Variants in FREM1 observed in about 807,000 individuals in gnomAD.
FREM1 encodes FRAS1-related extracellular matrix protein 1.
FREM1 carries 220 observed loss-of-function variants against 210.1 expected under a neutral mutation model. That is an observed-to-expected ratio of 1.05 (90% CI 0.94 to 1.17). The LOEUF is 1.17. Among genes scored for constraint, FREM1 ranks in the 50% most tolerant of loss-of-function variants. FREM1 has a pLI of 0.00. For synonymous variants in FREM1, 1,189 were observed against 980.2 expected, an observed-to-expected ratio of 1.21 and a Z score of -3.98; for missense variants, 3,454 against 2,675.5, an observed-to-expected ratio of 1.29 and a Z score of -6.42.
chr9:14,861,227 A>T lies in FREM1; in HGVS notation c.330-1743T>A, dbSNP rs1830387224. On this transcript the variant is annotated intron_variant, in intron 3 of 36. Coordinates refer to ENST00000380880, the MANE Select transcript of FREM1 (RefSeq NM_001379081.2). ...CACACATATACATATATACACATAT[A>T]TACACATATATACACACATATATAC... is the stretch of plus-strand genomic sequence containing the variant. 6.6e-5 allele frequency among the ~76,000 whole-genome samples: 7 copies of T among 105,266 alleles called. 2 individuals carry two copies. The South Asian group carries it at 1.9e-3, about 28-fold the overall frequency. 69.1% of individuals were successfully genotyped at this position (105,266 alleles called of 152,430 possible).
rs148609000 is a variant in FREM1 at position 14,811,342 on chromosome 9, G to A, written c.2893+1470C>T. Among the ~76,000 whole-genome samples, 128 of 152,290 alleles carry A rather than the reference G, an allele frequency of 8.4e-4. 1 individual carries two copies. Among genetic ancestry groups the A allele is most frequent in the African/African-American group, 3.1e-3 (127 of 41,560 alleles). On this transcript the variant is annotated intron_variant, in intron 16 of 36. Coordinates refer to ENST00000380880, the MANE Select transcript of FREM1 (RefSeq NM_001379081.2). ...TGTTTAGCACTTAGAACAAGGCACTGGAAAAGAAGACAGATTCTTCTCACC... is the reference window on the plus strand; with the variant it reads ...TGTTTAGCACTTAGAACAAGGCACTAGAAAAGAAGACAGATTCTTCTCACC...
chr9:14,774,533 CT>C (rs1183072701), intron 25 of FREM1, among the ~76,000 whole-genome samples: 2 of 97,442 alleles, frequency 2.1e-5, no homozygotes, highest in East Asian at 2.7e-4. Flanking sequence ...CTCTCTCTCT[CT>C]CTCTCTCTCT....
At chr9:14,849,829 C>T (rs1827353779) in intron 6 of FREM1, among the ~76,000 whole-genome samples, 1 of 152,108 alleles carries the variant, frequency 6.6e-6, no homozygotes, top group African/African-American at 2.4e-5. Context: ...GTACATTATA[C>T]AATGCCAGAA....
At chr9:14,884,360 C>T (rs1417859906) in intron 1 of FREM1, among the ~76,000 whole-genome samples, 1 of 152,214 alleles carries the variant, frequency 6.6e-6, no homozygotes, top group Non-Finnish European at 1.5e-5. Context: ...CTCTCCCTGA[C>T]CATTTTCCCA....
rs151318183 is a variant in FREM1 at position 14,843,566 on chromosome 9, C to A, written c.1394-906G>T. 9.9e-3 allele frequency among the ~76,000 whole-genome samples: 1,507 copies of A among 152,294 alleles called. 19 individuals carry two copies. The highest frequency in any genetic ancestry group is 0.043 in the South Asian group (209 of 4,824). On this transcript the variant is annotated intron_variant, in intron 8 of 36. Coordinates refer to ENST00000380880, the MANE Select transcript of FREM1 (RefSeq NM_001379081.2). ...ACATAGATAGACATTCTGTTGGTTT[C>A]ATTTCTCTAGGGAACCCTTACTAAT...
At chr9:14,838,662 G>A (rs945198397) in intron 10 of FREM1, among the ~76,000 whole-genome samples, 10 of 152,254 alleles carry the variant, frequency 6.6e-5, no homozygotes, top group Non-Finnish European at 1.5e-4. Flanking sequence ...AATGTTGAAA[G>A]AACCAGAATT....
At chr9:14,879,977 T>C (rs927420692) in intron 1 of FREM1, among the ~76,000 whole-genome samples, 2 of 152,162 alleles carry the variant, frequency 1.3e-5, no homozygotes, top group African/African-American at 4.8e-5. Flanking sequence ...GTTGAAGCCC[T>C]GATTTCCAAT....
In FREM1 at chr9:14,742,397, C is replaced by A. The variant is rs557394267; in HGVS notation, c.6255-2163G>T. 2.0e-5 allele frequency among the ~76,000 whole-genome samples: 3 copies of A among 152,122 alleles called. No homozygotes were observed. The South Asian group carries it at 6.2e-4, about 32-fold the overall frequency. On this transcript the variant is annotated intron_variant, in intron 35 of 36. Transcript: ENST00000380880. The stretch of plus-strand genomic sequence containing the variant: ...ATAATTACCAAATGTACAATGACTG[C>A]CTGAGGAAATGAGCAGATGAGATTA...
At chr9:14,879,011 G>T (rs752992885) in intron 1 of FREM1, among the ~76,000 whole-genome samples, 1 of 151,936 alleles carries the variant, frequency 6.6e-6, no homozygotes, top group Non-Finnish European at 1.5e-5. Flanking sequence ...ATGAAAATTA[G>T]CCAGGCATCG....
chr9:14,792,731 G>T lies in FREM1; in HGVS notation c.3981+12C>A. 6.4e-7 allele frequency: 1 copy of T among 1,571,164 alleles called. No homozygotes were observed. Among genetic ancestry groups the T allele is most frequent in the Non-Finnish European group, 8.6e-7 (1 of 1,161,844 alleles). On this transcript the variant is annotated intron_variant, in intron 22 of 36. Coordinates refer to ENST00000380880, the MANE Select transcript of FREM1 (RefSeq NM_001379081.2). ...CGTTAGTTTTGAAAAATAAAAGTAAGAAGTCACTAACCTTAAGCTGAAGTT... is the reference window on the plus strand; with the variant it reads ...CGTTAGTTTTGAAAAATAAAAGTAATAAGTCACTAACCTTAAGCTGAAGTT...
chr9:14,821,676 A>G (rs1821339755), intron 13 of FREM1, among the ~76,000 whole-genome samples: 1 of 152,222 alleles, frequency 6.6e-6, no homozygotes. Context: ...TTTTCTACCA[A>G]AGATGGCAAG....
intron 1 of FREM1, among the ~76,000 whole-genome samples, chr9:14,883,388 T>C (rs891371167): frequency 6.6e-6 from 1 of 152,158 alleles, no homozygotes; most frequent in African/African-American, 2.4e-5. Flanking sequence ...GGGTATGCTT[T>C]GTTTGGTTTT....
At chr9:14,852,291 T>A (rs1039473710) in intron 5 of FREM1, among the ~76,000 whole-genome samples, 1 of 152,160 alleles carries the variant, frequency 6.6e-6, no homozygotes, top group African/African-American at 2.4e-5. Context: ...AGGCTAGGCA[T>A]GCATCCTCCC....
intron 1 of FREM1, among the ~76,000 whole-genome samples, chr9:14,895,236 A>G (rs1209208418): frequency 6.6e-6 from 1 of 152,238 alleles, no homozygotes; most frequent in Admixed American, 6.5e-5. Context: ...TTCCTGCTGC[A>G]CTTCATACAA....
chr9:14,860,894 C>CATATATACGTAT lies in FREM1; in HGVS notation c.330-1411_330-1410insATACGTATATAT, dbSNP rs1830069765. ...ATATACGTATATATACACATATATA[C>CATATATACGTAT]ATATATACACATATACACATATACA... On this transcript the variant is annotated intron_variant, in intron 3 of 36. Coordinates refer to ENST00000380880, the MANE Select transcript of FREM1 (RefSeq NM_001379081.2). Among the ~76,000 whole-genome samples, 4 of 62,320 alleles carry CATATATACGTAT rather than the reference C, an allele frequency of 6.4e-5. 1 individual carries two copies. Among genetic ancestry groups the CATATATACGTAT allele is most frequent in the African/African-American group, 3.2e-4 (4 of 12,518 alleles). 40.9% of individuals were successfully genotyped at this position (62,320 alleles called of 152,430 possible).
intron 5 of FREM1, among the ~76,000 whole-genome samples, chr9:14,856,339 C>T (rs1024649552): frequency 6.6e-6 from 1 of 152,154 alleles, no homozygotes; most frequent in African/African-American, 2.4e-5. Flanking sequence ...TGAAAAGCTA[C>T]CCAAGTGATT....
chr9:14,855,733 T>C (rs991627583), intron 5 of FREM1, among the ~76,000 whole-genome samples: 26 of 152,018 alleles, frequency 1.7e-4, no homozygotes, highest in African/African-American at 6.0e-4. Flanking sequence ...AAATAAGCTA[T>C]GGAATAGGTT....
chr9:14,825,558 T>TATATATATATATAC (rs1822268049), intron 10 of FREM1, among the ~76,000 whole-genome samples: 2 of 139,540 alleles, frequency 1.4e-5, no homozygotes, highest in Non-Finnish European at 3.1e-5. Flanking sequence ...TATATATATA[T>TATATATATATATAC]ATATATATAT....
chr9:14,808,656 C>T (rs199561424), intron 16 of FREM1, among the ~76,000 whole-genome samples: 2 of 152,168 alleles, frequency 1.3e-5, no homozygotes, highest in African/African-American at 4.8e-5. Context: ...TTTCAATATT[C>T]TTCTTATTAT....
Sources: gnomAD v4.1 joint callset for allele counts (sites outside exome capture counted in the v4.1 genomes callset) on GRCh38, gnomAD v4.1.1 for gene constraint, MANE v1.5 for transcripts, NCBI Gene and HGNC (gene_info 2026-07-23, HGNC 2026-07-21) for gene names.